ARL13B: variants seen among roughly 807,000 people sequenced by gnomAD.
The protein encoded by ARL13B is ARF like GTPase 13B, also known as ADP-ribosylation factor-like protein 13B.
ARL13B carries 36 observed loss-of-function variants against 56.1 expected under a neutral mutation model. That is an observed-to-expected ratio of 0.64 (90% CI 0.49 to 0.85). The LOEUF (loss-of-function observed/expected upper bound fraction) is 0.85, where lower values mean the gene tolerates loss of function less well. ARL13B is among the 40% of genes least tolerant of loss of function. ARL13B has a pLI of 0.00. For missense variants in ARL13B, 519 were observed against 507.1 expected, an observed-to-expected ratio of 1.02 and a Z score of -0.23; for synonymous variants, 178 against 171.1, an observed-to-expected ratio of 1.04 and a Z score of -0.32.
At chr3:93,986,206 AC>A (rs1362870671) in intron 1 of ARL13B, among the ~76,000 whole-genome samples, 1 of 152,048 alleles carries the variant, frequency 6.6e-6, no homozygotes, top group Non-Finnish European at 1.5e-5. Flanking sequence ...TTCTTATTTT[AC>A]CCCCTTATAT....
rs748072722 is a variant in ARL13B, at chr3:94,035,449, T to G, written c.486+13T>G. 9.0e-6 allele frequency: 14 copies of G among 1,547,460 alleles called. No homozygotes were observed. The South Asian group carries it at 1.1e-4, about 12-fold the overall frequency. The stretch of plus-strand genomic sequence containing the variant: ...CCTGTGTCAGATAGTAAGGTTTTTT[T>G]TTTTTTTTTAATTTTAATTTTTTGT... On this transcript the variant is annotated intron_variant, in intron 4 of 9. Transcript: ENST00000394222.
chr3:94,032,020 T>C (rs948955012), intron 3 of ARL13B, among the ~76,000 whole-genome samples: 1 of 152,168 alleles, frequency 6.6e-6, no homozygotes, highest in African/African-American at 2.4e-5. Flanking sequence ...AAATAATTCA[T>C]GACTAAGACC....
chr3:94,013,211 G>A (rs191002316), intron 3 of ARL13B, among the ~76,000 whole-genome samples: 2 of 152,270 alleles, frequency 1.3e-5, no homozygotes, highest in East Asian at 1.9e-4. Flanking sequence ...CTTTCAGAAA[G>A]GTCTTCGCTG....
chr3:93,986,413 TC>T (rs1336997171), intron 1 of ARL13B, among the ~76,000 whole-genome samples: 1 of 152,238 alleles, frequency 6.6e-6, no homozygotes, highest in Non-Finnish European at 1.5e-5. Flanking sequence ...CACTGTTTTT[TC>T]GATACATTTT....
chr3:94,048,337 A>G (rs947377690), intron 7 of ARL13B, among the ~76,000 whole-genome samples: 1 of 152,138 alleles, frequency 6.6e-6, no homozygotes, highest in Non-Finnish European at 1.5e-5. Flanking sequence ...GAGAGTGAGG[A>G]AAAAAAATTG....
At chr3:93,985,817 A>G (rs185365977) in intron 1 of ARL13B, among the ~76,000 whole-genome samples, 3 of 152,268 alleles carry the variant, frequency 2.0e-5, no homozygotes, top group Admixed American at 2.0e-4. Context: ...CAGCATCACA[A>G]ATACAACCTA....
intron 5 of ARL13B, among the ~76,000 whole-genome samples, chr3:94,038,817 G>A (rs867304704): frequency 8.6e-5 from 13 of 151,882 alleles, no homozygotes; most frequent in Non-Finnish European, 1.5e-4. Flanking sequence ...CACCGCACCC[G>A]GCCGGCTGCT....
intron 3 of ARL13B, chr3:94,028,399 C>G (rs1474640373): frequency 6.6e-6 from 1 of 152,240 alleles, no homozygotes; most frequent in East Asian, 1.9e-4. Flanking sequence ...TGGTTTTCCA[C>G]CTGCGGTGTT....
intron 5 of ARL13B, among the ~76,000 whole-genome samples, chr3:94,037,771 TAAAAAC>T (rs1296495174): frequency 3.3e-5 from 5 of 151,980 alleles, no homozygotes; most frequent in Non-Finnish European, 7.4e-5. Flanking sequence ...ACTAAGAAAA[TAAAAAC>T]AGAAGCAACA....
At chr3:93,988,547 T>C in intron 1 of ARL13B, 1 of 312,570 alleles carries the variant, frequency 3.2e-6, no homozygotes, top group Non-Finnish European at 6.3e-6. Context: ...ACTAAAAGAC[T>C]TGCACTTACA....
intron 6 of ARL13B, among the ~76,000 whole-genome samples, chr3:94,041,034 A>G (rs1340270160): frequency 6.6e-6 from 1 of 152,096 alleles, no homozygotes; most frequent in African/African-American, 2.4e-5. Flanking sequence ...TGAAACTACA[A>G]TTTCAAGAAG....
intron 2 of ARL13B, among the ~76,000 whole-genome samples, chr3:94,002,763 G>C (rs1165617625): frequency 6.6e-6 from 1 of 152,126 alleles, no homozygotes; most frequent in African/African-American, 2.4e-5. Flanking sequence ...TCATTGGTCT[G>C]CCAGATATTT....
chr3:93,988,171 T>C (rs981112113), intron 1 of ARL13B, among the ~76,000 whole-genome samples: 2 of 151,688 alleles, frequency 1.3e-5, no homozygotes, highest in South Asian at 2.1e-4. Context: ...AAAGATGTTA[T>C]AGTGTACACA....
Position 94,032,497 on chromosome 3 carries a change from CT to C in ARL13B, c.381-2822del, listed in dbSNP as rs934879105. On this transcript the variant is annotated intron_variant, in intron 3 of 9. Coordinates refer to ENST00000394222, the MANE Select transcript of ARL13B (RefSeq NM_001174150.2). ...ACTATGGAAAACAGTATGGAGATTT[CT>C]TTTTTTTTTTTCTTTTGAGACGGAG... is the stretch of plus-strand genomic sequence containing the variant. Among the ~76,000 whole-genome samples the C allele has an allele frequency of 2.0e-3, 286 of 146,406 alleles. 1 individual carries two copies. Among genetic ancestry groups the C allele is most frequent in the African/African-American group, 4.9e-3 (197 of 40,242 alleles).
At chr3:94,035,257 A>G (rs888487198) in intron 3 of ARL13B, 74 bp from the exon 4 acceptor site, 28 of 1,037,656 alleles carry the variant, frequency 2.7e-5, no homozygotes, top group Non-Finnish European at 3.8e-5. Flanking sequence ...AAAAAAAAGA[A>G]TGTGGTCAAA....
rs1326813345 is a variant in ARL13B at position 93,980,480 on chromosome 3, C to A, written c.57C>A (p.Val19=). The part of the protein sequence containing the change: ...CGWFKRWREP[V]RKVTLLMVGL... Reference sequence around the variant, plus strand: ...GGTTCAAGCGGTGGCGGGAGCCTGTCAGGTAGGCTGGAGCCAGCTGTCCTG... The same window carrying A: ...GGTTCAAGCGGTGGCGGGAGCCTGTAAGGTAGGCTGGAGCCAGCTGTCCTG... The change falls in exon 1 of 10, where the codon GTC becomes GTA. Residue 19 remains valine (V), a splice_region_variant and synonymous_variant. Coordinates refer to ENST00000394222, the MANE Select transcript of ARL13B (RefSeq NM_001174150.2). The A allele has an allele frequency of 2.5e-6, 4 of 1,610,976 alleles. No individual in the cohort carries two copies. The highest frequency in any genetic ancestry group is 3.4e-6 in the Non-Finnish European group (4 of 1,179,956).
At chr3:94,037,549 CTT>C (rs1031545875) in intron 5 of ARL13B, among the ~76,000 whole-genome samples, 1 of 152,096 alleles carries the variant, frequency 6.6e-6, no homozygotes, top group Non-Finnish European at 1.5e-5. Context: ...CTAGGGATCT[CTT>C]TATATAAAAG....
intron 3 of ARL13B, among the ~76,000 whole-genome samples, chr3:94,030,774 A>G (rs1301652831): frequency 2.6e-5 from 4 of 152,188 alleles, no homozygotes; most frequent in Non-Finnish European, 4.4e-5. Flanking sequence ...TAGTCTTAAT[A>G]TTTAGTAATC....
At chr3:93,987,150 A>G (rs1710510846) in intron 1 of ARL13B, among the ~76,000 whole-genome samples, 1 of 140,890 alleles carries the variant, frequency 7.1e-6, no homozygotes, top group African/African-American at 2.5e-5. Context: ...TGATGCTTAT[A>G]TTTCTGATTT....
Sources: allele counts gnomAD v4.1 joint callset (sites outside exome capture counted in the v4.1 genomes callset), GRCh38; gene constraint gnomAD v4.1.1; transcripts MANE v1.5; gene names NCBI Gene and HGNC (gene_info 2026-07-23, HGNC 2026-07-21).